Variants in NAALADL2 observed in about 807,000 individuals in gnomAD.
NAALADL2 encodes inactive N-acetylated-alpha-linked acidic dipeptidase-like protein 2.
A neutral mutation model predicts 87.2 loss-of-function variants in NAALADL2; 76 were observed. The ratio of observed to expected loss-of-function variants is 0.87; its 90% CI spans 0.72 to 1.05. The LOEUF (loss-of-function observed/expected upper bound fraction) is 1.05. Ranked by LOEUF, NAALADL2 falls within the 50% of genes least tolerant of loss-of-function variation. The pLI is 0.00. For missense variants in NAALADL2, 1,089 were observed against 945.8 expected, an observed-to-expected ratio of 1.15 and a Z score of -1.99; for synonymous variants, 354 against 331.0, an observed-to-expected ratio of 1.07 and a Z score of -0.75.
Position 174,650,137 on chromosome 3 carries a change from G to A in NAALADL2, c.-114-87504G>A, listed in dbSNP as rs569258963. Among the ~76,000 whole-genome samples the A allele has an allele frequency of 1.4e-4, 21 of 152,158 alleles. 1 individual carries two copies. The highest frequency in any genetic ancestry group is 4.8e-4 in the African/African-American group (20 of 41,542). ...TGTGCAATAAACTTTACCTTCAGAT[G>A]ATGGTGAAATGTGGTTCAGGGATTG... On this transcript the variant is annotated intron_variant, in intron 2 of 3. Coordinates refer to the NAALADL2 transcript ENST00000434257.
intron 8 of NAALADL2, among the ~76,000 whole-genome samples, chr3:175,471,422 C>T (rs1169476026): frequency 6.8e-6 from 1 of 146,148 alleles, no homozygotes; most frequent in Non-Finnish European, 1.5e-5. Flanking sequence ...TTGCAGTGAG[C>T]TGAGATCACG....
At chr3:174,492,340 C>G (rs1020118564) in intron 1 of NAALADL2, among the ~76,000 whole-genome samples, 2 of 151,722 alleles carry the variant, frequency 1.3e-5, no homozygotes, top group African/African-American at 2.4e-5. Flanking sequence ...TTACTGGGTG[C>G]ACAATTAGAT....
chr3:175,203,688 G>T (rs112123870), intron 2 of NAALADL2, among the ~76,000 whole-genome samples: 9 of 146,562 alleles, frequency 6.1e-5, no homozygotes, highest in African/African-American at 2.2e-4. Flanking sequence ...AATATTGATA[G>T]ACCTTTAGCA....
At chr3:175,322,727 A>G (rs1459682991) in intron 4 of NAALADL2, among the ~76,000 whole-genome samples, 1 of 148,162 alleles carries the variant, frequency 6.7e-6, no homozygotes, top group African/African-American at 2.5e-5. Context: ...GCCAAAAAAC[A>G]CATGAAAAAA....
At chr3:174,697,857 C>T (rs682856) in intron 2 of NAALADL2, among the ~76,000 whole-genome samples, 79,662 of 151,900 alleles carry the variant, frequency 0.52, 21,410 homozygotes, top group East Asian at 0.83. Context: ...TTTGGGAGGC[C>T]GAGGTGGGTG....
At chr3:175,507,339 G>A (rs866777446) in intron 9 of NAALADL2, among the ~76,000 whole-genome samples, 3 of 152,248 alleles carry the variant, frequency 2.0e-5, no homozygotes, top group Non-Finnish European at 2.9e-5. Context: ...GGACATTTTG[G>A]TTCCCATGTC....
intron 9 of NAALADL2, among the ~76,000 whole-genome samples, chr3:175,522,538 A>C (rs1732795099): frequency 6.6e-6 from 1 of 152,250 alleles, no homozygotes; most frequent in East Asian, 1.9e-4. Flanking sequence ...CTCAGTGATC[A>C]GAATAGGAGG....
chr3:175,200,557 T>C (rs991527940), intron 2 of NAALADL2, among the ~76,000 whole-genome samples: 1 of 152,132 alleles, frequency 6.6e-6, no homozygotes, highest in African/African-American at 2.4e-5. Flanking sequence ...CTTTTCCACT[T>C]CCTGTAGCAG....
intron 6 of NAALADL2, among the ~76,000 whole-genome samples, chr3:175,448,844 G>A (rs755230756): frequency 6.6e-6 from 1 of 152,056 alleles, no homozygotes; most frequent in Non-Finnish European, 1.5e-5. Context: ...CAAGTAGCTA[G>A]GACTACAGGT....
At chr3:175,257,844 A>T (rs2109850412) in intron 4 of NAALADL2, among the ~76,000 whole-genome samples, 1 of 152,318 alleles carries the variant, frequency 6.6e-6, no homozygotes, top group South Asian at 2.1e-4. Context: ...TATGAAGGTA[A>T]CATTATTAAT....
intron 1 of NAALADL2, among the ~76,000 whole-genome samples, chr3:174,476,498 T>C (rs766508013): frequency 7.2e-5 from 11 of 151,970 alleles, no homozygotes; most frequent in Non-Finnish European, 1.3e-4. Flanking sequence ...TATATTTCCT[T>C]ATAGTGTCCA....
chr3:175,741,713 G>A (rs1031269566), intron 12 of NAALADL2, among the ~76,000 whole-genome samples: 5 of 152,082 alleles, frequency 3.3e-5, no homozygotes, highest in African/African-American at 1.2e-4. Context: ...ATTTTTTCCA[G>A]CCTCCAGAGG....
At chr3:175,380,149 T>C in intron 5 of NAALADL2, among the ~76,000 whole-genome samples, 1 of 151,994 alleles carries the variant, frequency 6.6e-6, no homozygotes, top group Non-Finnish European at 1.5e-5. Context: ...TGTATGCATA[T>C]GTAACAAACC....
chr3:174,685,273 T>C (rs1002691238), intron 2 of NAALADL2, among the ~76,000 whole-genome samples: 4 of 152,120 alleles, frequency 2.6e-5, no homozygotes, highest in African/African-American at 9.7e-5. Context: ...AAATGGCAGC[T>C]GCATCCTCCC....
intron 3 of NAALADL2, among the ~76,000 whole-genome samples, chr3:175,248,448 A>T (rs1748415786): frequency 6.6e-6 from 1 of 152,126 alleles, no homozygotes; most frequent in Admixed American, 6.6e-5. Flanking sequence ...TCGATTTATT[A>T]TTTATTGTCT....
chr3:175,040,995 C>T (rs185882924), intron 1 of NAALADL2, among the ~76,000 whole-genome samples: 2 of 152,250 alleles, frequency 1.3e-5, no homozygotes, highest in African/African-American at 2.4e-5. Context: ...CTCTTACTGC[C>T]TTAATTTTTC....
intron 2 of NAALADL2, among the ~76,000 whole-genome samples, chr3:175,197,974 A>T (rs1739272240): frequency 6.6e-6 from 1 of 152,108 alleles, no homozygotes; most frequent in Admixed American, 6.6e-5. Context: ...TTTCTTTTTT[A>T]AAAATATAAA....
intron 2 of NAALADL2, among the ~76,000 whole-genome samples, chr3:175,139,421 A>G (rs1325476755): frequency 6.6e-6 from 1 of 152,092 alleles, no homozygotes; most frequent in Non-Finnish European, 1.5e-5. Context: ...CTTTCTTAGA[A>G]TTGCAAAAGT....
chr3:175,772,555 A>G (rs1375973728), intron 13 of NAALADL2, among the ~76,000 whole-genome samples: 1 of 152,124 alleles, frequency 6.6e-6, no homozygotes, highest in East Asian at 1.9e-4. Context: ...CACTTTTTCC[A>G]AAATTAGTTA....
Sources: allele counts gnomAD v4.1 joint callset (sites outside exome capture counted in the v4.1 genomes callset), GRCh38; gene constraint gnomAD v4.1.1; transcripts MANE v1.5; gene names NCBI Gene and HGNC (gene_info 2026-07-23, HGNC 2026-07-21).